SEC22A: variants seen among roughly 807,000 people sequenced by gnomAD.
SEC22A encodes SEC22 homolog A, vesicle trafficking protein, also known as vesicle-trafficking protein SEC22a.
SEC22A carries 22 observed loss-of-function variants against 35.3 expected under a neutral mutation model. The observed-to-expected ratio is 0.62, with a 90% CI of 0.45 to 0.89. The LOEUF (loss-of-function observed/expected upper bound fraction) is 0.89. Ranked by LOEUF, SEC22A falls within the 40% of genes least tolerant of loss-of-function variation. The pLI, the probability that SEC22A is intolerant of heterozygous loss-of-function variation, is 0.00. For missense variants in SEC22A, 354 were observed against 362.5 expected (o/e 0.98, Z 0.19); for synonymous variants, 119 against 129.5 (o/e 0.92, Z 0.55).
At chr3:123,239,138 T>G (rs891675938) in intron 4 of SEC22A, among the ~76,000 whole-genome samples, 3 of 152,176 alleles carry the variant, frequency 2.0e-5, no homozygotes, top group African/African-American at 7.2e-5. Flanking sequence ...TGTTTCATTA[T>G]TACTCAGGTA....
Position 123,271,590 on chromosome 3 carries a change from T to C in SEC22A, c.792T>C (p.Cys264=), listed in dbSNP as rs1404924719. The C allele has an allele frequency of 6.2e-7, 1 of 1,614,098 alleles. No individual in the cohort carries two copies. The highest frequency in any genetic ancestry group is 1.3e-5 in the African/African-American group (1 of 74,948). Reference sequence around the variant, plus strand: ...CTTTTTTGACTTTTGGCTTAATCTGTCTATGCAACATGTATCTCTATGAAC... The same window carrying C: ...CTTTTTTGACTTTTGGCTTAATCTGCCTATGCAACATGTATCTCTATGAAC... ...VKSFLTFGLI[C]LCNMYLYELR... The change falls in exon 7 of 7, where the codon TGT becomes TGC. Residue 264 remains cysteine (C), a synonymous_variant. Coordinates refer to ENST00000492595, the MANE Select transcript of SEC22A (RefSeq NM_012430.5).
intron 2 of SEC22A, among the ~76,000 whole-genome samples, chr3:123,221,470 CAAAAAAAAAAAAA>C (rs56800842): frequency 3.3e-5 from 2 of 60,606 alleles, no homozygotes; most frequent in Non-Finnish European, 5.8e-5. Flanking sequence ...GAGTCCATCT[CAAAAAAAAAAAAA>C]AAAAAAAAAA....
At chr3:123,253,176 T>C (rs1231183062) in intron 5 of SEC22A, among the ~76,000 whole-genome samples, 2 of 152,208 alleles carry the variant, frequency 1.3e-5, no homozygotes, top group Non-Finnish European at 2.9e-5. Flanking sequence ...GGGTCCCATC[T>C]GCCAGTAACT....
At chr3:123,258,745 A>G (rs1390371990) in intron 5 of SEC22A, among the ~76,000 whole-genome samples, 1 of 152,040 alleles carries the variant, frequency 6.6e-6, no homozygotes, top group Admixed American at 6.6e-5. Context: ...CTAATATAAG[A>G]AAAGGGCCAA....
At chr3:123,260,161 A>T (rs1397849222) in intron 6 of SEC22A, among the ~76,000 whole-genome samples, 1 of 138,210 alleles carries the variant, frequency 7.2e-6, no homozygotes, top group Non-Finnish European at 1.6e-5. Flanking sequence ...AAAAAAAAAA[A>T]AAAAAAAACT....
At chr3:123,257,906 C>T (rs1237922992) in intron 5 of SEC22A, among the ~76,000 whole-genome samples, 1 of 149,940 alleles carries the variant, frequency 6.7e-6, no homozygotes, top group Non-Finnish European at 1.5e-5. Context: ...GCAGGAGAAT[C>T]GCTTGAACCT....
intron 6 of SEC22A, among the ~76,000 whole-genome samples, chr3:123,263,170 A>AAT (rs1291508070): frequency 6.6e-6 from 1 of 152,250 alleles, no homozygotes; most frequent in Non-Finnish European, 1.5e-5. Context: ...ATAGTATATA[A>AAT]CTGGCATAGT....
chr3:123,235,122 G>A (rs1020848726), intron 4 of SEC22A, among the ~76,000 whole-genome samples: 5 of 152,054 alleles, frequency 3.3e-5, no homozygotes, highest in African/African-American at 7.2e-5. Context: ...CGCACTCGTC[G>A]GCTCAAACAA....
At position 123,272,636 on chromosome 3, in the gene SEC22A, G is replaced by C. The variant is rs1384905610; in HGVS notation, c.*914G>C. The C allele has an allele frequency of 6.6e-6, 1 of 152,598 alleles. No individual in the cohort carries two copies. The highest frequency in any genetic ancestry group is 1.5e-5 in the Non-Finnish European group (1 of 68,042). The allele number at this position is 152,598 out of a possible 1,614,324, so 9.5% of individuals were successfully genotyped here. On this transcript the variant is annotated 3_prime_UTR_variant, in exon 7 of 7. Transcript: ENST00000492595. Reference sequence around the variant, plus strand: ...TAGCTAGAAACTAATGCCTAGAAAGGCTCCGAATCTTAGGCTCTTTCTTTG... The same window carrying C: ...TAGCTAGAAACTAATGCCTAGAAAGCCTCCGAATCTTAGGCTCTTTCTTTG...
chr3:123,217,054 C>T (rs62261392), intron 2 of SEC22A, among the ~76,000 whole-genome samples: 21 of 151,940 alleles, frequency 1.4e-4, no homozygotes, highest in Non-Finnish European at 2.5e-4. Context: ...GTCTCTAACT[C>T]CTGGGCTCAA....
chr3:123,266,821 TTGC>T (rs1273661608), intron 6 of SEC22A, among the ~76,000 whole-genome samples: 12 of 152,288 alleles, frequency 7.9e-5, no homozygotes, highest in African/African-American at 2.9e-4. Flanking sequence ...TTCTGTATTC[TTGC>T]TGATTTTCTG....
intron 6 of SEC22A, among the ~76,000 whole-genome samples, chr3:123,259,868 C>T (rs1341693443): frequency 6.6e-6 from 1 of 152,064 alleles, no homozygotes; most frequent in African/African-American, 2.4e-5. Context: ...TGTGGTGGCT[C>T]ATGCCTGTAA....
At position 123,209,353 on chromosome 3, in the gene SEC22A, C is replaced by T. The variant is rs1207325561; in HGVS notation, c.136C>T (p.Gln46Ter). ...TAAAATGCTTTCGAGGAAACTTGCT[C>T]AACTTCCTGATAGATGTACACTGAA... Reference protein sequence around the residue: ...YFKMLSRKLAQLPDRCTLKTG... With the variant: ...YFKMLSRKLA Residue 46 changes from glutamine (Q) to a stop codon, truncating the protein, a stop_gained, in exon 2 of 7, where the codon CAA becomes TAA. Coordinates refer to ENST00000492595, the MANE Select transcript of SEC22A (RefSeq NM_012430.5). LOFTEE classifies it high-confidence loss of function. The T allele has an allele frequency of 1.2e-6, 2 of 1,613,962 alleles. No individual in the cohort carries two copies. Among genetic ancestry groups the T allele is most frequent in the Admixed American group, 1.7e-5 (1 of 60,022 alleles).
rs561275019 is a variant in SEC22A, at chr3:123,254,595, G to A, written c.658-4929G>A. Among the ~76,000 whole-genome samples, 4 of 151,972 alleles carry A rather than the reference G, an allele frequency of 2.6e-5. No individual in the cohort carries two copies. The East Asian group carries it at 5.8e-4, about 22-fold the overall frequency. Reference sequence around the variant, plus strand: ...TCATCTGCTGGTTCCCTACTGGCTCGTTTCCCTCAGCCCTGCTGTTCTTTA... The same window carrying A: ...TCATCTGCTGGTTCCCTACTGGCTCATTTCCCTCAGCCCTGCTGTTCTTTA... On this transcript the variant is annotated intron_variant, in intron 5 of 6. Transcript: ENST00000492595.
intron 1 of SEC22A, chr3:123,208,223 T>C (rs933249538): frequency 6.6e-6 from 1 of 152,240 alleles, no homozygotes; most frequent in Non-Finnish European, 1.5e-5. Context: ...TTTTAGTTGC[T>C]GCATTATATT....
intron 5 of SEC22A, among the ~76,000 whole-genome samples, chr3:123,250,216 C>A (rs745344179): frequency 6.6e-6 from 1 of 152,036 alleles, no homozygotes; most frequent in Non-Finnish European, 1.5e-5. Flanking sequence ...TCGAGACCAT[C>A]CTGGCCAACA....
chr3:123,240,805 T>C (rs1937513444), intron 4 of SEC22A, among the ~76,000 whole-genome samples: 1 of 152,134 alleles, frequency 6.6e-6, no homozygotes, highest in African/African-American at 2.4e-5. Flanking sequence ...ACTTTTATGT[T>C]GTGCTTTAAA....
intron 6 of SEC22A, among the ~76,000 whole-genome samples, chr3:123,260,409 TGGC>T (rs2108099662): frequency 6.6e-6 from 1 of 152,168 alleles, no homozygotes; most frequent in African/African-American, 2.4e-5. Context: ...CATATGGTAA[TGGC>T]AGTGAGGATA....
intron 6 of SEC22A, among the ~76,000 whole-genome samples, chr3:123,270,098 A>G (rs1559766595): frequency 6.6e-6 from 1 of 152,214 alleles, no homozygotes; most frequent in Non-Finnish European, 1.5e-5. Context: ...GTATTGAATC[A>G]ATGTTCATTT....
Sources: gnomAD v4.1 joint callset for allele counts (sites outside exome capture counted in the v4.1 genomes callset) on GRCh38, gnomAD v4.1.1 for gene constraint, MANE v1.5 for transcripts, NCBI Gene and HGNC (gene_info 2026-07-23, HGNC 2026-07-21) for gene names.